ARHGEF12: variants seen among roughly 807,000 people sequenced by gnomAD.
ARHGEF12 encodes the protein KMT2A/ARHGEF12 fusion protein.
ARHGEF12 carries 66 observed loss-of-function variants against 211.2 expected under a neutral mutation model. The ratio of observed to expected loss-of-function variants is 0.31; its 90% CI spans 0.26 to 0.38. The LOEUF (loss-of-function observed/expected upper bound fraction) is 0.38. Among genes scored for constraint, ARHGEF12 ranks in the 10% least tolerant of loss-of-function variants. ARHGEF12 has a pLI of 1.00. For synonymous variants in ARHGEF12, 592 were observed against 638.4 expected (o/e 0.93, Z 1.09); for missense variants, 1,429 against 1,869.5 (o/e 0.76, Z 4.34).
intron 4 of ARHGEF12, among the ~76,000 whole-genome samples, chr11:120,419,027 C>T (rs1451699149): frequency 1.3e-5 from 2 of 150,866 alleles, no homozygotes; most frequent in Non-Finnish European, 3.0e-5. Flanking sequence ...AGGCTGGACC[C>T]GCCTCCCAGG....
intron 1 of ARHGEF12, among the ~76,000 whole-genome samples, chr11:120,401,317 C>T (rs1041980855): frequency 6.6e-6 from 1 of 152,124 alleles, no homozygotes; most frequent in Admixed American, 6.5e-5. Flanking sequence ...ATCTTACTGT[C>T]CAGAGAACTA....
At chr11:120,347,270 C>CTGTGTGTGTGTGTGTG (rs55651421) in intron 1 of ARHGEF12, among the ~76,000 whole-genome samples, 22 of 79,872 alleles carry the variant, frequency 2.8e-4, no homozygotes, top group African/African-American at 9.6e-4. Context: ...CTCTCTCTGT[C>CTGTGTGTGTGTGTGTG]TGTGTGTGTG....
At chr11:120,378,816 G>A (rs1281383204) in intron 1 of ARHGEF12, among the ~76,000 whole-genome samples, 1 of 152,130 alleles carries the variant, frequency 6.6e-6, no homozygotes, top group Admixed American at 6.5e-5. Flanking sequence ...TCTTTATTAT[G>A]TTCTGTTGAT....
At chr11:120,476,809 T>G in intron 34 of ARHGEF12, 61 bp downstream of exon 34, 1 of 1,315,774 alleles carries the variant, frequency 7.6e-7, no homozygotes, top group Non-Finnish European at 1.1e-6. Context: ...AAGCGTAATA[T>G]TCCATAAACT....
intron 1 of ARHGEF12, among the ~76,000 whole-genome samples, chr11:120,382,277 T>G (rs894674212): frequency 1.3e-5 from 2 of 152,254 alleles, no homozygotes; most frequent in African/African-American, 4.8e-5. Flanking sequence ...AGAAATGGAG[T>G]TGTGCAGTAT....
chr11:120,344,267 A>G (rs1339619529), intron 1 of ARHGEF12, among the ~76,000 whole-genome samples: 1 of 35,594 alleles, frequency 2.8e-5, no homozygotes, highest in Non-Finnish European at 5.7e-5. Flanking sequence ...CTCCGTCTCA[A>G]AAAAAAAAAA....
intron 1 of ARHGEF12, among the ~76,000 whole-genome samples, chr11:120,338,776 C>T (rs1942436315): frequency 6.6e-6 from 1 of 152,090 alleles, no homozygotes; most frequent in Non-Finnish European, 1.5e-5. Context: ...GTTTTCATTG[C>T]GATGCTGAGG....
intron 26 of ARHGEF12, 72 bp downstream of exon 26, chr11:120,459,392 G>A: frequency 1.3e-6 from 2 of 1,489,696 alleles, no homozygotes; most frequent in Admixed American, 1.9e-5. Flanking sequence ...TTAAAATTTT[G>A]TAAATGTACC....
intron 18 of ARHGEF12, among the ~76,000 whole-genome samples, chr11:120,447,559 C>T (rs1414215917): frequency 6.6e-6 from 1 of 152,142 alleles, no homozygotes; most frequent in African/African-American, 2.4e-5. Flanking sequence ...TGGCGCACTC[C>T]TGTAATCCCA....
At chr11:120,438,176 A>T (rs1252910195) in intron 12 of ARHGEF12, among the ~76,000 whole-genome samples, 1 of 152,246 alleles carries the variant, frequency 6.6e-6, no homozygotes, top group African/African-American at 2.4e-5. Context: ...GCATTTTGTC[A>T]TCTTTTTATT....
In ARHGEF12 at chr11:120,478,259, G is replaced by A. The variant is rs940884955; in HGVS notation, c.3636G>A (p.Glu1212=). 11 of 1,614,044 alleles carry A rather than the reference G, an allele frequency of 6.8e-6. No homozygotes were observed. In the African/African-American group the frequency reaches 8.0e-5, roughly 12 times the overall value. Reference sequence around the variant, plus strand: ...AGGTACGTGATCTGTTTGTGGCTGAGAGACAGTTTGCAAAGGAACAACATA... The same window carrying A: ...AGGTACGTGATCTGTTTGTGGCTGAAAGACAGTTTGCAAAGGAACAACATA... ...KSEVRDLFVA[E]RQFAKEQHTD... The change falls in exon 37 of 41, where the codon GAG becomes GAA. Residue 1212 remains glutamate (E), a synonymous_variant. Transcript: ENST00000397843.
intron 13 of ARHGEF12, among the ~76,000 whole-genome samples, chr11:120,440,898 T>G (rs1945850048): frequency 1.3e-5 from 2 of 152,228 alleles, no homozygotes; most frequent in South Asian, 2.1e-4. Context: ...TTGCTGAGAG[T>G]TTTTATCATC....
At chr11:120,389,654 AT>A (rs1192197853) in intron 1 of ARHGEF12, among the ~76,000 whole-genome samples, 8 of 152,122 alleles carry the variant, frequency 5.3e-5, no homozygotes, top group African/African-American at 1.9e-4. Context: ...CAGTTAAACT[AT>A]TTTTTACTAT....
At chr11:120,458,569 C>T (rs1408675989) in intron 25 of ARHGEF12, 7 of 262,092 alleles carry the variant, frequency 2.7e-5, no homozygotes, top group Admixed American at 5.2e-5. Flanking sequence ...AGATTGAATT[C>T]GTTAAGATCA....
At chr11:120,387,302 A>T (rs1047723520) in intron 1 of ARHGEF12, among the ~76,000 whole-genome samples, 1 of 152,008 alleles carries the variant, frequency 6.6e-6, no homozygotes, top group African/African-American at 2.4e-5. Flanking sequence ...TACAATATAC[A>T]TTTATTTATT....
At chr11:120,337,578 GAGA>G in intron 1 of ARHGEF12, 1 of 985,422 alleles carries the variant, frequency 1.0e-6, no homozygotes, top group Non-Finnish European at 1.2e-6. Flanking sequence ...GAAATCAGAG[GAGA>G]AGGTCATTTT....
chr11:120,402,498 A>AT (rs2135552600), intron 1 of ARHGEF12, among the ~76,000 whole-genome samples: 1 of 152,326 alleles, frequency 6.6e-6, no homozygotes, highest in African/African-American at 2.4e-5. Flanking sequence ...ATAATTCTAA[A>AT]TTTAATAGGT....
intron 1 of ARHGEF12, among the ~76,000 whole-genome samples, chr11:120,347,188 CTT>C (rs796828228): frequency 7.6e-6 from 1 of 131,030 alleles, no homozygotes; most frequent in Non-Finnish European, 1.6e-5. Flanking sequence ...TCCTTCCTTT[CTT>C]TCTTTCTTTC....
intron 40 of ARHGEF12, among the ~76,000 whole-genome samples, 163 bp downstream of exon 40, chr11:120,484,670 T>A (rs976212456): frequency 1.3e-5 from 2 of 152,238 alleles, no homozygotes; most frequent in Non-Finnish European, 2.9e-5. Flanking sequence ...AGCTCATGCC[T>A]GCTGACTCTA....
Sources: gnomAD v4.1 joint callset for allele counts (sites outside exome capture counted in the v4.1 genomes callset) on GRCh38, gnomAD v4.1.1 for gene constraint, MANE v1.5 for transcripts, NCBI Gene and HGNC (gene_info 2026-07-23, HGNC 2026-07-21) for gene names.